The following LDLRAD3 variants were observed in gnomAD, a reference collection of about 807,000 sequenced individuals.
LDLRAD3 encodes the protein low density lipoprotein receptor class A domain containing 3.
A neutral mutation model predicts 29.4 loss-of-function variants in LDLRAD3; 20 were observed. The observed-to-expected ratio is 0.68, with a 90% CI of 0.48 to 0.99. The LOEUF is 0.99. Ranked by LOEUF, LDLRAD3 falls within the 50% of genes least tolerant of loss-of-function variation. The pLI is 0.00. For missense variants in LDLRAD3, 420 were observed against 454.3 expected (o/e 0.92, Z 0.69); for synonymous variants, 157 against 192.7 (o/e 0.81, Z 1.53).
At chr11:36,008,374 C>T (rs1304736838) in intron 1 of LDLRAD3, among the ~76,000 whole-genome samples, 1 of 152,132 alleles carries the variant, frequency 6.6e-6, no homozygotes, top group African/African-American at 2.4e-5. Flanking sequence ...CTCCAGGGTT[C>T]ATGGAAGACG....
intron 1 of LDLRAD3, among the ~76,000 whole-genome samples, chr11:35,969,122 C>CCCTA (rs1470815765): frequency 1.3e-5 from 2 of 152,150 alleles, no homozygotes; most frequent in Admixed American, 1.3e-4. Context: ...GGAAAGAAAT[C>CCCTA]CCTAATATTC....
chr11:36,219,799 G>C (rs568251762), intron 4 of LDLRAD3, among the ~76,000 whole-genome samples: 1 of 152,202 alleles, frequency 6.6e-6, no homozygotes, highest in East Asian at 1.9e-4. Flanking sequence ...ATAAAAATTT[G>C]TTTTGAAACG....
At chr11:36,093,527 A>C (rs1853314832) in intron 3 of LDLRAD3, among the ~76,000 whole-genome samples, 1 of 152,110 alleles carries the variant, frequency 6.6e-6, no homozygotes. Context: ...AGTACAGTAC[A>C]TAGCCTACTA....
At chr11:36,051,083 CAGG>C (rs1280941107) in intron 2 of LDLRAD3, among the ~76,000 whole-genome samples, 1 of 152,174 alleles carries the variant, frequency 6.6e-6, no homozygotes, top group Non-Finnish European at 1.5e-5. Flanking sequence ...AGAAGAATTT[CAGG>C]AGGACAAAAA....
At chr11:36,045,057 A>G (rs1299352133) in intron 2 of LDLRAD3, among the ~76,000 whole-genome samples, 1 of 152,168 alleles carries the variant, frequency 6.6e-6, no homozygotes, top group Non-Finnish European at 1.5e-5. Context: ...TGCAAAAATT[A>G]CTGTCTTCCT....
At chr11:36,132,634 A>G (rs985649748) in intron 4 of LDLRAD3, among the ~76,000 whole-genome samples, 4 of 152,238 alleles carry the variant, frequency 2.6e-5, no homozygotes, top group Non-Finnish European at 5.9e-5. Context: ...TCAGAAGCAC[A>G]TGGATTTTTA....
intron 1 of LDLRAD3, among the ~76,000 whole-genome samples, chr11:36,012,191 A>C (rs181257914): frequency 1.3e-5 from 2 of 152,186 alleles, no homozygotes; most frequent in African/African-American, 4.8e-5. Flanking sequence ...ATTGCTGTCA[A>C]CTGAAACCTA....
intron 1 of LDLRAD3, among the ~76,000 whole-genome samples, chr11:35,948,437 CGTGTGTGTGTGTGTGT>C (rs140009978): frequency 6.8e-6 from 1 of 147,190 alleles, no homozygotes; most frequent in African/African-American, 2.5e-5. Context: ...GTTGGCTGAT[CGTGTGTGTGTGTGTGT>C]GTGTGTGTGT....
chr11:36,204,498 C>CTTTT (rs56354406), intron 4 of LDLRAD3, among the ~76,000 whole-genome samples: 1 of 145,074 alleles, frequency 6.9e-6, no homozygotes, highest in African/African-American at 2.6e-5. Flanking sequence ...CTCTCTCTTT[C>CTTTT]TTTTTTTTTT....
At chr11:36,173,906 G>C (rs1415079582) in intron 4 of LDLRAD3, among the ~76,000 whole-genome samples, 1 of 152,142 alleles carries the variant, frequency 6.6e-6, no homozygotes, top group Non-Finnish European at 1.5e-5. Flanking sequence ...GCATTGCCAA[G>C]ACAATCCTAA....
chr11:36,208,416 T>A (rs576113945), intron 4 of LDLRAD3, among the ~76,000 whole-genome samples: 1 of 152,324 alleles, frequency 6.6e-6, no homozygotes, highest in Admixed American at 6.5e-5. Context: ...GATACTACCC[T>A]ATTGCTGCAT....
Position 36,219,207 on chromosome 11 carries a change from C to T in LDLRAD3, c.455-7878C>T, listed in dbSNP as rs140860695. Among the ~76,000 whole-genome samples, 30 of 152,340 alleles carry T rather than the reference C, an allele frequency of 2.0e-4. No individual in the cohort carries two copies. The East Asian group carries it at 2.9e-3, about 15-fold the overall frequency. On this transcript the variant is annotated intron_variant, in intron 4 of 5. Transcript: ENST00000315571. ...CCTTGACAGTAAAAGTTTGCCAGCT[C>T]ATGGTCTATACCAAACTGTAAACCA... is the stretch of plus-strand genomic sequence containing the variant.
chr11:35,992,448 T>C (rs1310025347), intron 1 of LDLRAD3, among the ~76,000 whole-genome samples: 1 of 152,220 alleles, frequency 6.6e-6, no homozygotes, highest in Non-Finnish European at 1.5e-5. Flanking sequence ...AACCCACATG[T>C]TCCCCAGTGG....
intron 4 of LDLRAD3, among the ~76,000 whole-genome samples, chr11:36,136,731 C>T (rs1854009695): frequency 1.3e-5 from 2 of 151,398 alleles, no homozygotes; most frequent in South Asian, 4.2e-4. Flanking sequence ...GTCTTAGTCA[C>T]CCAGGCTGGA....
chr11:36,034,210 A>C (rs562255176), intron 1 of LDLRAD3, among the ~76,000 whole-genome samples: 1 of 152,178 alleles, frequency 6.6e-6, no homozygotes, highest in African/African-American at 2.4e-5. Flanking sequence ...TGACCTTTTA[A>C]AGTTAAGAAA....
chr11:36,209,272 A>G (rs904167548), intron 4 of LDLRAD3, among the ~76,000 whole-genome samples: 13 of 151,958 alleles, frequency 8.6e-5, no homozygotes, highest in African/African-American at 2.4e-4. Flanking sequence ...TCCAAGGTTA[A>G]CTCAGTTTTA....
chr11:36,150,277 C>A (rs1854258869), intron 4 of LDLRAD3, among the ~76,000 whole-genome samples: 1 of 152,128 alleles, frequency 6.6e-6, no homozygotes, highest in Non-Finnish European at 1.5e-5. Context: ...CGTGTAATCT[C>A]AACACTTTGG....
In LDLRAD3 at chr11:36,229,617, C is replaced by A; in HGVS notation, c.*220C>A. 3 of 476,374 alleles carry A rather than the reference C, an allele frequency of 6.3e-6. No homozygotes were observed. Among genetic ancestry groups the A allele is most frequent in the Non-Finnish European group, 1.1e-5 (3 of 269,314 alleles). 29.5% of individuals were successfully genotyped at this position (476,374 alleles called of 1,614,324 possible). On this transcript the variant is annotated 3_prime_UTR_variant, in exon 6 of 6. Coordinates refer to ENST00000315571, the MANE Select transcript of LDLRAD3 (RefSeq NM_174902.4). ...CTGTTGTGCGTCTTTTCTGTCAGGT[C>A]ACTCTTCCCTTGGGACCCGAGATCA...
chr11:35,966,317 C>T (rs1292779122), intron 1 of LDLRAD3, among the ~76,000 whole-genome samples: 3 of 152,068 alleles, frequency 2.0e-5, no homozygotes, highest in South Asian at 2.1e-4. Context: ...CCCAGCTCCT[C>T]GGGAGACTGA....
Sources: gnomAD v4.1 joint callset for allele counts (sites outside exome capture counted in the v4.1 genomes callset) on GRCh38, gnomAD v4.1.1 for gene constraint, MANE v1.5 for transcripts, NCBI Gene and HGNC (gene_info 2026-07-23, HGNC 2026-07-21) for gene names.